Variants in XIRP2 observed in about 807,000 individuals in gnomAD.
XIRP2 encodes the protein xin actin-binding repeat-containing protein 2.
Under a neutral mutation model 277.0 loss-of-function variants are expected in XIRP2, and 236 were observed. That is an observed-to-expected ratio of 0.85 (90% CI 0.77 to 0.95). The LOEUF is 0.95. Among genes scored for constraint, XIRP2 ranks in the 40% least tolerant of loss-of-function variants. The probability of loss-of-function intolerance (pLI) is 0.00; values close to 1 mark genes in which losing one functional copy is unlikely to be tolerated. For missense variants in XIRP2, 4,640 were observed against 4,157.5 expected (o/e 1.12, Z -3.19); for synonymous variants, 1,490 against 1,416.5 (o/e 1.05, Z -1.17).
intron 2 of XIRP2, among the ~76,000 whole-genome samples, chr2:167,103,336 A>T (rs1316227539): frequency 6.6e-6 from 1 of 152,192 alleles, no homozygotes; most frequent in Admixed American, 6.5e-5. Context: ...TTCCAAACTG[A>T]AAACAGTTAG....
At chr2:167,091,170 C>T (rs1690136748) in intron 2 of XIRP2, among the ~76,000 whole-genome samples, 1 of 151,976 alleles carries the variant, frequency 6.6e-6, no homozygotes, top group South Asian at 2.1e-4. Flanking sequence ...TTTCTGTTCC[C>T]AAGTGTCATC....
Position 167,245,132 on chromosome 2 carries a change from C to A in XIRP2, c.3740C>A (p.Pro1247Gln), listed in dbSNP as rs957979251. ...LNCRWLFENQ[P>Q]IDKIKESQEG... ...TGTAGGTGGCTTTTTGAAAACCAAC[C>A]AATTGATAAGATAAAAGAAAGCCAA... The change falls in exon 9 of 11, where the codon CCA becomes CAA. Residue 1247 changes from proline to glutamine, a missense_variant. Transcript: ENST00000409195. 3 of 1,611,418 alleles carry A rather than the reference C, an allele frequency of 1.9e-6. No homozygotes were observed. Among genetic ancestry groups the A allele is most frequent in the Non-Finnish European group, 8.5e-7 (1 of 1,179,214 alleles).
intron 2 of XIRP2, among the ~76,000 whole-genome samples, chr2:166,999,299 A>G (rs1687304353): frequency 6.6e-6 from 1 of 152,136 alleles, no homozygotes; most frequent in Non-Finnish European, 1.5e-5. Context: ...AGTCTGAGTA[A>G]AACAACTAGT....
chr2:167,218,369 A>T (rs1225694934), intron 5 of XIRP2, 69 bp downstream of exon 5: 1 of 1,303,632 alleles, frequency 7.7e-7, no homozygotes, highest in East Asian at 2.7e-5. Context: ...GCCAATGTAG[A>T]AATCTCCTTT....
intron 2 of XIRP2, among the ~76,000 whole-genome samples, chr2:167,022,942 T>C (rs1359459718): frequency 1.3e-5 from 2 of 152,168 alleles, no homozygotes; most frequent in Non-Finnish European, 2.9e-5. Context: ...TATAGCAGCA[T>C]GATTTATAGT....
intron 2 of XIRP2, among the ~76,000 whole-genome samples, chr2:167,015,170 A>G (rs2105476451): frequency 6.6e-6 from 1 of 152,012 alleles, no homozygotes; most frequent in African/African-American, 2.4e-5. Flanking sequence ...ATAGATTTAA[A>G]TTTGAATATT....
intron 2 of XIRP2, among the ~76,000 whole-genome samples, chr2:166,941,065 G>A (rs2105382527): frequency 6.6e-6 from 1 of 152,320 alleles, no homozygotes; most frequent in Non-Finnish European, 1.5e-5. Flanking sequence ...GAGGCAGGCA[G>A]GCCTCCTTGA....
rs192451870 is a variant in XIRP2 at position 167,008,964 on chromosome 2, G to A, written c.408+105074G>A. 1.4e-3 allele frequency among the ~76,000 whole-genome samples: 206 copies of A among 150,788 alleles called. 4 individuals carry two copies. In the East Asian group the frequency reaches 0.033, roughly 24 times the overall value. ...TCAATTTTTCAAATATCTAATAATCGCAATAATATTTTTCAATATAAATAT... is the reference window on the plus strand; with the variant it reads ...TCAATTTTTCAAATATCTAATAATCACAATAATATTTTTCAATATAAATAT... On this transcript the variant is annotated intron_variant, in intron 2 of 10. Coordinates refer to ENST00000409195, the MANE Select transcript of XIRP2 (RefSeq NM_152381.6).
Position 167,027,437 on chromosome 2 carries a change from T to C in XIRP2, c.409-108472T>C, listed in dbSNP as rs560984471. Among the ~76,000 whole-genome samples the C allele has an allele frequency of 3.3e-5, 5 of 152,256 alleles. 1 individual carries two copies. Among genetic ancestry groups the C allele is most frequent in the African/African-American group, 1.2e-4 (5 of 41,564 alleles). ...TTTTTCAAAAAGTTTCTAACTTCTT[T>C]GCCATTGGTTTGAATTTCCTCCTGT... On this transcript the variant is annotated intron_variant, in intron 2 of 10. Coordinates refer to ENST00000409195, the MANE Select transcript of XIRP2 (RefSeq NM_152381.6).
At chr2:166,985,159 C>A (rs1286125174) in intron 2 of XIRP2, among the ~76,000 whole-genome samples, 1 of 152,060 alleles carries the variant, frequency 6.6e-6, no homozygotes, top group Non-Finnish European at 1.5e-5. Flanking sequence ...TACTACAATT[C>A]TTTTTTTCCC....
At chr2:166,938,353 C>T (rs1405036070) in intron 2 of XIRP2, among the ~76,000 whole-genome samples, 1 of 152,154 alleles carries the variant, frequency 6.6e-6, no homozygotes, top group Non-Finnish European at 1.5e-5. Flanking sequence ...TCGTTATGTA[C>T]CCAGTAGTCA....
At chr2:167,222,892 G>T (rs1404562215) in intron 5 of XIRP2, among the ~76,000 whole-genome samples, 1 of 151,432 alleles carries the variant, frequency 6.6e-6, no homozygotes, top group African/African-American at 2.4e-5. Flanking sequence ...TTTATCAGCT[G>T]TGTTAAGATA....
intron 3 of XIRP2, among the ~76,000 whole-genome samples, chr2:167,204,669 T>A (rs961946006): frequency 6.6e-6 from 1 of 152,252 alleles, no homozygotes; most frequent in Admixed American, 6.5e-5. Flanking sequence ...TATGAAGTTT[T>A]CACTTGTAAA....
intron 3 of XIRP2, among the ~76,000 whole-genome samples, chr2:167,149,199 C>T (rs1482354151): frequency 6.6e-6 from 1 of 152,142 alleles, no homozygotes; most frequent in Non-Finnish European, 1.5e-5. Context: ...CCCAAATTCA[C>T]ATATTTGTGA....
chr2:167,246,034 A>C lies in XIRP2; in HGVS notation c.4642A>C (p.Ile1548Leu). 1.9e-6 allele frequency: 3 copies of C among 1,613,384 alleles called. No individual in the cohort carries two copies. Among genetic ancestry groups the C allele is most frequent in the Non-Finnish European group, 2.5e-6 (3 of 1,179,716 alleles). The change falls in exon 9 of 11, where the codon ATT (isoleucine) becomes CTT (leucine). Residue 1548 changes from isoleucine to leucine, a missense_variant. By Grantham distance (5) the Ile-to-Leu change is conservative. Transcript: ENST00000409195. ...NETRVEKIEIIGKSIKETLED... is the reference protein window; with the variant it reads ...NETRVEKIEILGKSIKETLED... ...AACTAGAGTAGAAAAGATAGAAATTATTGGCAAGAGCATTAAAGAAACCTT... is the reference window on the plus strand; with the variant it reads ...AACTAGAGTAGAAAAGATAGAAATTCTTGGCAAGAGCATTAAAGAAACCTT...
At chr2:167,132,280 C>T (rs1691399706) in intron 2 of XIRP2, among the ~76,000 whole-genome samples, 2 of 152,078 alleles carry the variant, frequency 1.3e-5, no homozygotes, top group Admixed American at 6.6e-5. Context: ...TTGCAATGTG[C>T]GAACACACTT....
At chr2:166,939,307 C>T (rs1685621943) in intron 2 of XIRP2, among the ~76,000 whole-genome samples, 1 of 152,098 alleles carries the variant, frequency 6.6e-6, no homozygotes, top group Admixed American at 6.5e-5. Context: ...AATCTCTCAG[C>T]ATTTGCTTGT....
rs190521892 is a variant in XIRP2, at chr2:167,186,618, A to G, written c.563-24117A>G. Among the ~76,000 whole-genome samples, 117 of 152,264 alleles carry G rather than the reference A, an allele frequency of 7.7e-4. 1 individual carries two copies. Among genetic ancestry groups the G allele is most frequent in the African/African-American group, 2.7e-3 (112 of 41,562 alleles). On this transcript the variant is annotated intron_variant, in intron 3 of 10. Coordinates refer to ENST00000409195, the MANE Select transcript of XIRP2 (RefSeq NM_152381.6). ...TTGGGTTCTGGGTCAGATTGGCAGCATGTGTTTGGTAAGTCCTGGCAGCAA... is the reference window on the plus strand; with the variant it reads ...TTGGGTTCTGGGTCAGATTGGCAGCGTGTGTTTGGTAAGTCCTGGCAGCAA...
chr2:167,209,343 A>G (rs571636993), intron 3 of XIRP2, among the ~76,000 whole-genome samples: 1 of 152,336 alleles, frequency 6.6e-6, no homozygotes, highest in South Asian at 2.1e-4. Context: ...GCTGTTGTGT[A>G]CATAAATCTT....
Sources: allele counts gnomAD v4.1 joint callset (sites outside exome capture counted in the v4.1 genomes callset), GRCh38; gene constraint gnomAD v4.1.1; transcripts MANE v1.5; gene names NCBI Gene and HGNC (gene_info 2026-07-23, HGNC 2026-07-21).